Variants in FAT1 observed in about 807,000 individuals in gnomAD.
FAT1 encodes FAT atypical cadherin 1, also known as protocadherin Fat 1.
FAT1 carries 171 observed loss-of-function variants against 329.8 expected under a neutral mutation model. That is an observed-to-expected ratio of 0.52 (90% CI 0.46 to 0.59). The LOEUF (loss-of-function observed/expected upper bound fraction) is 0.59, where lower values mean the gene tolerates loss of function less well. Among genes scored for constraint, FAT1 ranks in the 20% least tolerant of loss-of-function variants. FAT1 has a pLI of 0.00. For synonymous variants in FAT1, 2,233 were observed against 2,228.6 expected (o/e 1.00, Z -0.06); for missense variants, 5,672 against 5,774.4 (o/e 0.98, Z 0.57).
chr4:186,603,292 C>T lies in FAT1; in HGVS notation c.11234G>A (p.Trp3745Ter), dbSNP rs2126425823. ...QKLCAGLDCP[W>*]KFCDEKVSVD... ...AGACACCTTTTCATCGCAGAACTTC[C>T]AGGGGCAGTCCAGTCCCGCGCAGAG... is the stretch of plus-strand genomic sequence containing the variant. The change falls in exon 19 of 27, where the codon TGG becomes TAG. Residue 3745 changes from tryptophan to a stop codon, truncating the protein, a stop_gained. Coordinates refer to ENST00000441802, the MANE Select transcript of FAT1 (RefSeq NM_005245.4). LOFTEE classifies it high-confidence loss of function. The T allele has an allele frequency of 6.2e-7, 1 of 1,613,974 alleles. No individual in the cohort carries two copies. Among genetic ancestry groups the T allele is most frequent in the Non-Finnish European group, 8.5e-7 (1 of 1,179,892 alleles).
chr4:186,709,476 A>G lies in FAT1; in HGVS notation c.352T>C (p.Leu118=), dbSNP rs2126704516. The change falls in exon 2 of 27, where the codon TTG becomes CTG. Residue 118 remains leucine (L), a synonymous_variant. Transcript: ENST00000441802. ...TTTTTTTCAAGTGCTTTCACTATCAATGTGTAGTGATCCTTCACTTCTCTA... is the reference window on the plus strand; with the variant it reads ...TTTTTTTCAAGTGCTTTCACTATCAGTGTGTAGTGATCCTTCACTTCTCTA... ...LNREVKDHYT[L]IVKALEKNTN... 6.2e-7 allele frequency: 1 copy of G among 1,613,846 alleles called. No homozygotes were observed. The highest frequency in any genetic ancestry group is 2.2e-5 in the East Asian group (1 of 44,876).
Position 186,707,772 on chromosome 4 carries a change from T to G in FAT1, c.2056A>C (p.Lys686Gln). Residue 686 changes from lysine to glutamine, a missense_variant, in exon 2 of 27, where the codon AAG (lysine) becomes CAG (glutamine). This residue lies in a region of FAT1 where 3,966 missense variants were observed against 3,915.2 expected (regional missense o/e 1.01). Transcript: ENST00000441802. ...TGTAATTTATTTGCCTGCAGGAGCTTCTCTGCCAGCATTTTGGCAACACCA... is the reference window on the plus strand; with the variant it reads ...TGTAATTTATTTGCCTGCAGGAGCTGCTCTGCCAGCATTTTGGCAACACCA... ...ETGVAKMLAE[K>Q]LLQANKLHNQ... 6.2e-7 allele frequency: 1 copy of G among 1,613,760 alleles called. No individual in the cohort carries two copies.
Position 186,706,615 on chromosome 4 carries a change from G to C in FAT1, c.3213C>G (p.Tyr1071Ter), listed in dbSNP as rs2126682040. 6.2e-7 allele frequency: 1 copy of C among 1,613,936 alleles called. No individual in the cohort carries two copies. Among genetic ancestry groups the C allele is most frequent in the South Asian group, 1.1e-5 (1 of 91,066 alleles). Reference sequence around the variant, plus strand: ...CAACGCCAGAGCCATCTCTAATGGAGTATCGGATCTCCCCATCTCTTCTGG... The same window carrying C: ...CAACGCCAGAGCCATCTCTAATGGACTATCGGATCTCCCCATCTCTTCTGG... ...EDARRDGEIRYSIRDGSGVGV... is the reference protein window; with the variant it reads ...EDARRDGEIR The change falls in exon 2 of 27, where the codon TAC becomes TAG. Residue 1071 changes from tyrosine to a stop codon, truncating the protein, a stop_gained. Coordinates refer to ENST00000441802, the MANE Select transcript of FAT1 (RefSeq NM_005245.4). LOFTEE classifies it high-confidence loss of function.
At chr4:186,591,999 A>T (rs2126368470) in intron 26 of FAT1, among the ~76,000 whole-genome samples, 1 of 152,292 alleles carries the variant, frequency 6.6e-6, no homozygotes, top group South Asian at 2.1e-4. Flanking sequence ...CCCAACCCAG[A>T]CCTGTTGGAT....
At position 186,636,203 on chromosome 4, in the gene FAT1, C is replaced by T. The variant is rs201145478; in HGVS notation, c.4005G>A (p.Lys1335=). The change falls in exon 6 of 27, where the codon AAG becomes AAA. Residue 1335 remains lysine (K), a synonymous_variant. Coordinates refer to ENST00000441802, the MANE Select transcript of FAT1 (RefSeq NM_005245.4). ...IKAVDNGRPQ[K]SSTTRLHIEW... The stretch of plus-strand genomic sequence containing the variant: ...CAATATGGAGTCTGGTGGTTGATGA[C>T]TTTTGAGGGCGACCATTGTCAACTG... The T allele has an allele frequency of 2.2e-5, 36 of 1,613,872 alleles. No homozygotes were observed. The highest frequency in any genetic ancestry group is 3.0e-5 in the Non-Finnish European group (35 of 1,179,902).
chr4:186,654,284 C>T (rs920617974), intron 3 of FAT1, among the ~76,000 whole-genome samples: 5 of 152,108 alleles, frequency 3.3e-5, no homozygotes, highest in African/African-American at 1.2e-4. Flanking sequence ...GGAAGCTGCT[C>T]GTAATAGATG....
At chr4:186,713,889 G>A (rs537470375) in intron 1 of FAT1, among the ~76,000 whole-genome samples, 1 of 152,096 alleles carries the variant, frequency 6.6e-6, no homozygotes, top group Non-Finnish European at 1.5e-5. Context: ...GTTTCACCAC[G>A]TTGCCCAGGC....
At position 186,588,815 on chromosome 4, in the gene FAT1, G is replaced by A. The variant is rs1738086513; in HGVS notation, c.13544C>T (p.Pro4515Leu). The stretch of plus-strand genomic sequence containing the variant: ...ATACCCTGGCGGGTAAGGGGCATGG[G>A]GTTCTCTACAAGTACTATTCTCACC... ...GTGENSTCREPHAPYPPGYQR... is the reference protein window; with the variant it reads ...GTGENSTCRELHAPYPPGYQR... The change falls in exon 27 of 27, where the codon CCC (proline) becomes CTC (leucine). Residue 4515 changes from proline (P) to leucine (L), a missense_variant. This residue lies in a region of FAT1 where 1,706 missense variants were observed against 1,859.1 expected (regional missense o/e 0.92). Coordinates refer to ENST00000441802, the MANE Select transcript of FAT1 (RefSeq NM_005245.4). 5 of 1,613,860 alleles carry A rather than the reference G, an allele frequency of 3.1e-6. No individual in the cohort carries two copies. In the South Asian group the frequency reaches 4.4e-5, roughly 14 times the overall value.
chr4:186,663,661 CTG>C, intron 2 of FAT1, 48 bp from the exon 3 acceptor site: 1 of 1,453,762 alleles, frequency 6.9e-7, no homozygotes, highest in Non-Finnish European at 9.3e-7. Flanking sequence ...ACGACCAAAA[CTG>C]CCAGCTTCAG....
chr4:186,683,786 C>T (rs1279841020), intron 2 of FAT1, among the ~76,000 whole-genome samples: 2 of 152,112 alleles, frequency 1.3e-5, no homozygotes, highest in Non-Finnish European at 2.9e-5. Flanking sequence ...GAGCTTCATT[C>T]TGCTCCCTCT....
intron 19 of FAT1, 68 bp from the exon 20 acceptor site, chr4:186,603,102 T>C (rs1479067643): frequency 6.2e-7 from 1 of 1,608,124 alleles, no homozygotes; most frequent in African/African-American, 1.3e-5. Context: ...ACCTTTCATG[T>C]ATAGCCATCA....
At position 186,708,030 on chromosome 4, in the gene FAT1, G is replaced by A. The variant is rs1196917798; in HGVS notation, c.1798C>T (p.Gln600Ter). 2 of 1,613,822 alleles carry A rather than the reference G, an allele frequency of 1.2e-6. No individual in the cohort carries two copies. Among genetic ancestry groups the A allele is most frequent in the Non-Finnish European group, 1.7e-6 (2 of 1,179,900 alleles). ...TVSAIDADELQLVQYQIEAGN... is the reference protein window; with the variant it reads ...TVSAIDADEL ...GCTTCAATCTGATACTGTACCAACT[G>A]AAGTTCATCTGCATCAATAGCAGAA... The change falls in exon 2 of 27, where the codon CAG (glutamine) becomes TAG (stop). Residue 600 changes from glutamine (Q) to a stop codon, truncating the protein, a stop_gained. Coordinates refer to ENST00000441802, the MANE Select transcript of FAT1 (RefSeq NM_005245.4). LOFTEE classifies it high-confidence loss of function.
chr4:186,708,689 G>A lies in FAT1; in HGVS notation c.1139C>T (p.Ala380Val), dbSNP rs1744778644. Residue 380 changes from alanine (A) to valine (V), a missense_variant, in exon 2 of 27, where the codon GCT becomes GTT. This residue lies in a region of FAT1 where 3,966 missense variants were observed against 3,915.2 expected (regional missense o/e 1.01). Transcript: ENST00000441802. ...CATGACCACAGGTGTGTTGGGAGGAGCAAATTCACTTATTTCTGCTCTGTA... is the reference window on the plus strand; with the variant it reads ...CATGACCACAGGTGTGTTGGGAGGAACAAATTCACTTATTTCTGCTCTGTA... ...DVYRAEISEF[A>V]PPNTPVVMVK... The A allele has an allele frequency of 6.2e-7, 1 of 1,613,796 alleles. No homozygotes were observed. Among genetic ancestry groups the A allele is most frequent in the Non-Finnish European group, 8.5e-7 (1 of 1,179,884 alleles).
In FAT1 at chr4:186,708,733, G is replaced by T. The variant is rs200888325; in HGVS notation, c.1095C>A (p.Val365=). ...VTSPQFKAGP[V]KFEKDVYRAE... is the part of the protein sequence containing the mutation. ...CTCTGTAAACATCCTTTTCAAACTT[G>T]ACTGGCCCGGCTTTGAACTGTGGAG... The change falls in exon 2 of 27, where the codon GTC becomes GTA. Residue 365 remains valine, a synonymous_variant. Coordinates refer to ENST00000441802, the MANE Select transcript of FAT1 (RefSeq NM_005245.4). 6.2e-7 allele frequency: 1 copy of T among 1,613,936 alleles called. No individual in the cohort carries two copies. Among genetic ancestry groups the T allele is most frequent in the Non-Finnish European group, 8.5e-7 (1 of 1,179,882 alleles).
intron 20 of FAT1, among the ~76,000 whole-genome samples, chr4:186,602,257 A>G (rs970506102): frequency 6.6e-6 from 1 of 152,252 alleles, no homozygotes; most frequent in Admixed American, 6.5e-5. Context: ...AGAAATAAAA[A>G]TTAATACGAC....
At chr4:186,694,357 T>C (rs1336145697) in intron 2 of FAT1, among the ~76,000 whole-genome samples, 5 of 152,236 alleles carry the variant, frequency 3.3e-5, no homozygotes, top group African/African-American at 7.2e-5. Context: ...CCTAAAGAGT[T>C]ACTTTTAAAT....
intron 14 of FAT1, 70 bp from the exon 15 acceptor site, chr4:186,610,085 G>A: frequency 1.1e-6 from 1 of 903,210 alleles, no homozygotes; most frequent in South Asian, 1.5e-5. Context: ...GACTGAAATA[G>A]ATGAATGCTT....
intron 2 of FAT1, among the ~76,000 whole-genome samples, chr4:186,685,777 C>T (rs543902685): frequency 1.7e-4 from 26 of 152,310 alleles, no homozygotes; most frequent in African/African-American, 6.3e-4. Context: ...GCATTGCTCT[C>T]TCTACTAAAA....
chr4:186,613,211 T>C lies in FAT1; in HGVS notation c.9361A>G (p.Asn3121Asp), dbSNP rs2126475168. 1 of 1,613,874 alleles carries C rather than the reference T, an allele frequency of 6.2e-7. No individual in the cohort carries two copies. Among genetic ancestry groups the C allele is most frequent in the Non-Finnish European group, 8.5e-7 (1 of 1,179,808 alleles). Residue 3121 changes from asparagine (N) to aspartate (D), a missense_variant, in exon 13 of 27, where the codon AAC becomes GAC. Physicochemically the swap from Asn to Asp is conservative, Grantham distance 23 (BLOSUM62 1). Transcript: ENST00000441802. ...IVLTLEDVND[N>D]APEFSADPYA... Reference sequence around the variant, plus strand: ...GGATCGGCAGAGAATTCGGGGGCGTTATCGTTCACATCTTCTAGCGTGAGC... The same window carrying C: ...GGATCGGCAGAGAATTCGGGGGCGTCATCGTTCACATCTTCTAGCGTGAGC...
Sources: gnomAD v4.1 joint callset for allele counts (sites outside exome capture counted in the v4.1 genomes callset) on GRCh38, gnomAD v4.1.1 for gene constraint, gnomAD v4.1.1 regional missense constraint, MANE v1.5 for transcripts, NCBI Gene and HGNC (gene_info 2026-07-23, HGNC 2026-07-21) for gene names.